The following SHROOM2 variants were observed in gnomAD, a reference collection of about 807,000 sequenced individuals.
SHROOM2 encodes protein Shroom2.
SHROOM2 carries 33 observed loss-of-function variants against 75.9 expected under a neutral mutation model. That is an observed-to-expected ratio of 0.43 (90% confidence interval 0.33 to 0.58). SHROOM2 has a LOEUF of 0.58. SHROOM2 is among the 20% of genes least tolerant of loss of function. SHROOM2 has a pLI of 0.04. For missense variants in SHROOM2, 1,434 were observed against 1,461.2 expected (o/e 0.98, Z 0.30); for synonymous variants, 655 against 663.6 (o/e 0.99, Z 0.20).
intron 1 of SHROOM2, among the ~76,000 whole-genome samples, chrX:9,816,610 G>GCTGCTGCTGCTGCTA (rs1286563931): frequency 7.3e-5 from 8 of 110,325 alleles, no homozygotes; most frequent in African/African-American, 6.8e-5. Context: ...TGCTGCTGCT[G>GCTGCTGCTGCTGCTA]CTACTTTCTG....
At chrX:9,835,626 C>T (rs2083939859) in intron 1 of SHROOM2, among the ~76,000 whole-genome samples, 1 of 112,368 alleles carries the variant, frequency 8.9e-6, no homozygotes, top group Non-Finnish European at 1.9e-5. Context: ...TTTAGAAAAC[C>T]AAACTTTTAA....
chrX:9,842,458 C>T (rs1007284593), intron 1 of SHROOM2, among the ~76,000 whole-genome samples: 1 of 112,399 alleles, frequency 8.9e-6, no homozygotes, highest in African/African-American at 3.2e-5. Context: ...AGGTCTCCAC[C>T]TGCCCTGGTG....
intron 1 of SHROOM2, among the ~76,000 whole-genome samples, chrX:9,830,620 A>T (rs2083911292): frequency 1.4e-4 from 5 of 36,639 alleles, no homozygotes; most frequent in African/African-American, 2.0e-4. Context: ...TTTTTTTTTG[A>T]GACAGAGTTT....
chrX:9,943,720 T>C (rs929506450), intron 8 of SHROOM2, among the ~76,000 whole-genome samples: 4 of 112,169 alleles, frequency 3.6e-5, no homozygotes, highest in African/African-American at 1.3e-4. Context: ...TATATTTTAC[T>C]ACAATTTTGA....
intron 6 of SHROOM2, among the ~76,000 whole-genome samples, chrX:9,933,338 G>A (rs1364220875): frequency 9.0e-6 from 1 of 110,626 alleles, no homozygotes; most frequent in Non-Finnish European, 1.9e-5. Context: ...TTTAATGTTA[G>A]AAAGCTAAGC....
chrX:9,823,750 TTTTTTCTTTTTTC>T (rs1262429599), intron 1 of SHROOM2, among the ~76,000 whole-genome samples: 3 of 67,403 alleles, frequency 4.5e-5, no homozygotes, highest in East Asian at 2.1e-3. Context: ...TTCTTTTTTC[TTTTTTCTTTTTTC>T]TTTTTTTTTT....
chrX:9,919,115 G>A (rs1339189471), intron 5 of SHROOM2, among the ~76,000 whole-genome samples: 1 of 110,978 alleles, frequency 9.0e-6, no homozygotes. Flanking sequence ...TTTGTGCCAG[G>A]CATTGTGTTG....
chrX:9,815,426 T>C (rs2083813301), intron 1 of SHROOM2, among the ~76,000 whole-genome samples: 2 of 82,226 alleles, frequency 2.4e-5, no homozygotes, highest in Admixed American at 1.6e-4. Flanking sequence ...AGGATAGATA[T>C]ACATATTATG....
chrX:9,922,838 G>T (rs2084559284), intron 5 of SHROOM2, among the ~76,000 whole-genome samples: 1 of 110,882 alleles, frequency 9.0e-6, no homozygotes, highest in Admixed American at 9.6e-5. Context: ...TCCTGTGAAG[G>T]GCTTGAGACT....
At chrX:9,857,048 G>A (rs757020) in intron 1 of SHROOM2, among the ~76,000 whole-genome samples, 2,450 of 112,192 alleles carry the variant, frequency 0.022, 71 homozygotes, top group African/African-American at 0.076. Flanking sequence ...TCCAAAAGGT[G>A]CGGTCTTCCT....
At chrX:9,924,641 G>A (rs2084577221) in intron 5 of SHROOM2, among the ~76,000 whole-genome samples, 1 of 107,820 alleles carries the variant, frequency 9.3e-6, no homozygotes, top group Non-Finnish European at 1.9e-5. Flanking sequence ...CAGGCACGGG[G>A]CACCACATCC....
intron 1 of SHROOM2, among the ~76,000 whole-genome samples, chrX:9,829,247 C>T: frequency 8.9e-6 from 1 of 112,086 alleles, no homozygotes; most frequent in East Asian, 2.8e-4. Flanking sequence ...TGGTCTCAAA[C>T]TCCTGACCTC....
At chrX:9,862,037 C>T (rs2084106960) in intron 1 of SHROOM2, among the ~76,000 whole-genome samples, 1 of 111,827 alleles carries the variant, frequency 8.9e-6, no homozygotes, top group Admixed American at 9.5e-5. Flanking sequence ...CACCATGCCC[C>T]CGTGCTTACG....
At chrX:9,900,946 G>A (rs2084362666) in intron 5 of SHROOM2, among the ~76,000 whole-genome samples, 2 of 110,130 alleles carry the variant, frequency 1.8e-5, no homozygotes, top group Non-Finnish European at 3.8e-5. Context: ...CTCTCCTGCT[G>A]ACTTGGGGCC....
rs1569178949 is a variant in SHROOM2, at chrX:9,939,175, G to A, written c.4140-20G>A. 1.7e-6 allele frequency: 2 copies of A among 1,180,930 alleles called. No homozygotes were observed. Among genetic ancestry groups the A allele is most frequent in the Non-Finnish European group, 2.3e-6 (2 of 880,443 alleles). ...GCGTGCACAGTCCCAGCTCATTGAAGTTCCCACACCTTTACCCAGGAAAGA... is the reference window on the plus strand; with the variant it reads ...GCGTGCACAGTCCCAGCTCATTGAAATTCCCACACCTTTACCCAGGAAAGA... On this transcript the variant is annotated intron_variant, in intron 7 of 9. Transcript: ENST00000380913.
At chrX:9,884,190 C>T (rs932293919) in intron 2 of SHROOM2, among the ~76,000 whole-genome samples, 110 of 110,431 alleles carry the variant, frequency 1.0e-3, no homozygotes, top group Non-Finnish European at 4.0e-4. Flanking sequence ...AGGCTCCCAG[C>T]AGGCCAAGGC....
intron 5 of SHROOM2, chrX:9,913,215 T>C (rs1265496056): frequency 8.9e-6 from 1 of 112,100 alleles, no homozygotes; most frequent in African/African-American, 3.2e-5. Flanking sequence ...AATGCGGACA[T>C]TGAGAAAAAA....
At chrX:9,945,474 C>A (rs1321005849) in intron 9 of SHROOM2, among the ~76,000 whole-genome samples, 1 of 111,566 alleles carries the variant, frequency 9.0e-6, no homozygotes, top group East Asian at 2.8e-4. Flanking sequence ...CGTCATTGGA[C>A]TGCAGGGTTG....
chrX:9,790,962 G>A (rs749728515), intron 1 of SHROOM2, among the ~76,000 whole-genome samples: 1 of 110,500 alleles, frequency 9.0e-6, no homozygotes, highest in East Asian at 2.9e-4. Flanking sequence ...GCTCTGGGAG[G>A]ATTCTTCCTC....
Sources: allele counts gnomAD v4.1 joint callset (sites outside exome capture counted in the v4.1 genomes callset), GRCh38; gene constraint gnomAD v4.1.1; transcripts MANE v1.5; gene names NCBI Gene and HGNC (gene_info 2026-07-23, HGNC 2026-07-21).